PAPSS2: variants seen among roughly 807,000 people sequenced by gnomAD.
PAPSS2 encodes 3'-phosphoadenosine 5'-phosphosulfate synthase 2, also known as bifunctional 3'-phosphoadenosine 5'-phosphosulfate synthase 2.
In PAPSS2, 61 loss-of-function variants were observed where a neutral mutation model predicts 66.5. The observed-to-expected ratio is 0.92, with a 90% CI of 0.75 to 1.14. PAPSS2 has a LOEUF of 1.14. PAPSS2 is among the 50% of genes most tolerant of loss of function. The pLI is 0.00. For missense variants in PAPSS2, 708 were observed against 789.6 expected, an observed-to-expected ratio of 0.90 and a Z score of 1.24; for synonymous variants, 289 against 287.5, an observed-to-expected ratio of 1.01 and a Z score of -0.05.
At chr10:87,678,529 T>C (rs2131902312) in intron 1 of PAPSS2, among the ~76,000 whole-genome samples, 1 of 151,934 alleles carries the variant, frequency 6.6e-6, no homozygotes, top group South Asian at 2.1e-4. Flanking sequence ...TGAGAGAAAA[T>C]ATTGCATACT....
chr10:87,672,510 C>T (rs1852890890), intron 1 of PAPSS2, among the ~76,000 whole-genome samples: 1 of 152,190 alleles, frequency 6.6e-6, no homozygotes, highest in Non-Finnish European at 1.5e-5. Context: ...ACAATGGGAA[C>T]TACACCATTT....
chr10:87,710,217 C>T (rs1016624201), intron 2 of PAPSS2, among the ~76,000 whole-genome samples: 1 of 152,186 alleles, frequency 6.6e-6, no homozygotes, highest in Non-Finnish European at 1.5e-5. Flanking sequence ...TCTTGCTGTC[C>T]TAAATCTTTG....
chr10:87,699,152 G>A (rs4933453), intron 1 of PAPSS2, among the ~76,000 whole-genome samples: 72,719 of 152,082 alleles, frequency 0.48, 18,085 homozygotes, highest in East Asian at 0.65. Context: ...TGATATTTAA[G>A]TGCCAACACA....
intron 3 of PAPSS2, among the ~76,000 whole-genome samples, chr10:87,713,796 G>A (rs1308027232): frequency 6.6e-6 from 1 of 152,152 alleles, no homozygotes; most frequent in Non-Finnish European, 1.5e-5. Context: ...CACATCCTTT[G>A]AATGAAATGC....
intron 1 of PAPSS2, among the ~76,000 whole-genome samples, chr10:87,706,104 A>ATGTGTG (rs1440508568): frequency 5.1e-5 from 4 of 78,080 alleles, no homozygotes; most frequent in African/African-American, 2.6e-4. Context: ...ATATATATAT[A>ATGTGTG]TATATGTGTG....
At position 87,707,601 on chromosome 10, in the gene PAPSS2, G is replaced by A. The variant is rs561736787; in HGVS notation, c.28-1595G>A. Among the ~76,000 whole-genome samples the A allele has an allele frequency of 2.1e-3, 255 of 122,314 alleles. 2 individuals carry two copies. Among genetic ancestry groups the A allele is most frequent in the Admixed American group, 2.8e-3 (26 of 9,186 alleles). 80.2% of individuals were successfully genotyped at this position (122,314 alleles called of 152,430 possible). A position where few individuals can be genotyped will look rare whatever the true frequency, so the allele number is the denominator to read the frequency against. ...TTTTTTTTTTTTGAGACAGGGTCTC[G>A]CTCTGTTGCCCAGGCTGGAGTACAG... On this transcript the variant is annotated intron_variant, in intron 1 of 12. Transcript: ENST00000456849.
chr10:87,718,376 G>A (rs1853557249), intron 7 of PAPSS2, among the ~76,000 whole-genome samples: 1 of 152,126 alleles, frequency 6.6e-6, no homozygotes, highest in South Asian at 2.1e-4. Flanking sequence ...CTACCGTGAG[G>A]TGGATGAAGC....
At chr10:87,677,271 T>C (rs1852961636) in intron 1 of PAPSS2, among the ~76,000 whole-genome samples, 1 of 152,222 alleles carries the variant, frequency 6.6e-6, no homozygotes, top group African/African-American at 2.4e-5. Flanking sequence ...CTCAAGCCAA[T>C]GGCAATTCTT....
chr10:87,693,131 G>C (rs1025075969), intron 1 of PAPSS2, among the ~76,000 whole-genome samples: 10 of 152,096 alleles, frequency 6.6e-5, no homozygotes, highest in African/African-American at 2.4e-4. Context: ...TCCTTCCCTG[G>C]GTCCACTTTT....
chr10:87,707,569 T>C (rs201963620), intron 1 of PAPSS2, among the ~76,000 whole-genome samples: 25 of 108,010 alleles, frequency 2.3e-4, no homozygotes, highest in South Asian at 1.6e-3. Context: ...TTTTTCTTTT[T>C]TTTTTTTTTT....
In PAPSS2 at chr10:87,660,021, G is replaced by C. The variant is rs1390809758; in HGVS notation, c.27+13G>C. The C allele has an allele frequency of 6.2e-7, 1 of 1,610,896 alleles. No individual in the cohort carries two copies. The highest frequency in any genetic ancestry group is 1.3e-5 in the African/African-American group (1 of 74,858). ...GAAGCAAAAGACGGTAGGCTTCCAG[G>C]CGCCGGCTTCCCTCCCCGCCACCGC... On this transcript the variant is annotated intron_variant, in intron 1 of 12. Transcript: ENST00000456849.
intron 1 of PAPSS2, among the ~76,000 whole-genome samples, chr10:87,708,332 C>T (rs1169711199): frequency 6.6e-6 from 1 of 152,172 alleles, no homozygotes; most frequent in African/African-American, 2.4e-5. Flanking sequence ...CATACATTAA[C>T]CCTTGAGAAA....
chr10:87,681,666 G>A (rs972806529), intron 1 of PAPSS2, among the ~76,000 whole-genome samples: 1 of 151,890 alleles, frequency 6.6e-6, no homozygotes, highest in Admixed American at 6.6e-5. Flanking sequence ...TTTTCATTAC[G>A]CTAAAAAGAT....
intron 9 of PAPSS2, among the ~76,000 whole-genome samples, chr10:87,735,862 C>A (rs565209749): frequency 1.3e-5 from 2 of 152,308 alleles, no homozygotes; most frequent in East Asian, 3.9e-4. Flanking sequence ...CTATCCCAAT[C>A]CCCCACTCCC....
At chr10:87,688,825 G>A (rs1853125268) in intron 1 of PAPSS2, among the ~76,000 whole-genome samples, 1 of 151,942 alleles carries the variant, frequency 6.6e-6, no homozygotes, top group African/African-American at 2.4e-5. Context: ...TTGTAAAACC[G>A]ACCAAAATAA....
intron 1 of PAPSS2, among the ~76,000 whole-genome samples, chr10:87,707,098 C>T (rs906884579): frequency 2.0e-5 from 3 of 152,142 alleles, no homozygotes; most frequent in African/African-American, 7.2e-5. Flanking sequence ...AACCATTGGC[C>T]CCTCTGCCTG....
intron 9 of PAPSS2, among the ~76,000 whole-genome samples, chr10:87,740,810 A>C (rs1395269675): frequency 6.6e-6 from 1 of 152,232 alleles, no homozygotes. Context: ...GTCTTCTATT[A>C]AGTCAGATAT....
chr10:87,667,602 T>C (rs1360777247), intron 1 of PAPSS2, among the ~76,000 whole-genome samples: 1 of 152,258 alleles, frequency 6.6e-6, no homozygotes. Context: ...AGTTGACTGA[T>C]GTGACTTCCT....
At chr10:87,738,240 A>G (rs1362397886) in intron 9 of PAPSS2, among the ~76,000 whole-genome samples, 1 of 152,234 alleles carries the variant, frequency 6.6e-6, no homozygotes, top group Non-Finnish European at 1.5e-5. Context: ...ACCCATAAGT[A>G]GGATTGCTGG....
Sources: gnomAD v4.1 joint callset for allele counts (sites outside exome capture counted in the v4.1 genomes callset) on GRCh38, gnomAD v4.1.1 for gene constraint, MANE v1.5 for transcripts, NCBI Gene and HGNC (gene_info 2026-07-23, HGNC 2026-07-21) for gene names.